VWA8: variants seen among roughly 807,000 people sequenced by gnomAD.
VWA8 encodes the protein von Willebrand factor A domain containing 8, also known as von Willebrand factor A domain-containing protein 8.
In VWA8, 221 loss-of-function variants were observed where a neutral mutation model predicts 241.5. The ratio of observed to expected loss-of-function variants is 0.91; its 90% confidence interval spans 0.82 to 1.02. The LOEUF is 1.02. VWA8 is among the 50% of genes least tolerant of loss of function. The probability of loss-of-function intolerance (pLI) is 0.00; values close to 1 mark genes in which losing one functional copy is unlikely to be tolerated. For missense variants in VWA8, 2,322 were observed against 2,328.7 expected (o/e 1.00, Z 0.06); for synonymous variants, 852 against 827.1 (o/e 1.03, Z -0.52).
At chr13:41,769,682 C>T (rs1200878070) in intron 20 of VWA8, among the ~76,000 whole-genome samples, 1 of 152,102 alleles carries the variant, frequency 6.6e-6, no homozygotes, top group Non-Finnish European at 1.5e-5. Context: ...AGATCTAATA[C>T]CTAACTCTGA....
intron 9 of VWA8, among the ~76,000 whole-genome samples, chr13:41,874,788 C>T (rs367679739): frequency 6.6e-5 from 10 of 152,032 alleles, no homozygotes; most frequent in South Asian, 4.1e-4. Flanking sequence ...TACCATGTTG[C>T]CTGAACAAAT....
chr13:41,648,194 T>C (rs1442085734), intron 37 of VWA8, among the ~76,000 whole-genome samples: 1 of 152,100 alleles, frequency 6.6e-6, no homozygotes, highest in African/African-American at 2.4e-5. Flanking sequence ...CTGAATCTGA[T>C]CACTGGTAAT....
intron 17 of VWA8, among the ~76,000 whole-genome samples, chr13:41,806,010 A>AAT (rs1437516248): frequency 2.0e-5 from 3 of 151,446 alleles, no homozygotes; most frequent in Non-Finnish European, 4.4e-5. Context: ...ATAAAAAAAA[A>AAT]AAAAAAAGAA....
At chr13:41,717,680 G>A (rs1185751918) in intron 26 of VWA8, among the ~76,000 whole-genome samples, 1 of 151,806 alleles carries the variant, frequency 6.6e-6, no homozygotes, top group Non-Finnish European at 1.5e-5. Context: ...TTTCAAGAAG[G>A]GCAATAAAAC....
intron 12 of VWA8, 82 bp from the exon 13 acceptor site, chr13:41,833,613 G>T: frequency 7.1e-7 from 1 of 1,404,436 alleles, no homozygotes; most frequent in Non-Finnish European, 9.4e-7. Context: ...TGGCTTTATA[G>T]AGTCACCTCC....
intron 12 of VWA8, among the ~76,000 whole-genome samples, chr13:41,846,589 G>A (rs950169117): frequency 6.6e-6 from 1 of 152,128 alleles, no homozygotes; most frequent in Non-Finnish European, 1.5e-5. Flanking sequence ...ATAAGTCTCA[G>A]TTCACAATTC....
At chr13:41,865,873 A>G in intron 11 of VWA8, 29 bp downstream of exon 11, 1 of 1,614,190 alleles carries the variant, frequency 6.2e-7, no homozygotes, top group East Asian at 2.2e-5. Context: ...CAGGAAACTA[A>G]AAGTCTGCAG....
intron 26 of VWA8, among the ~76,000 whole-genome samples, chr13:41,708,961 GTCT>G (rs1039109835): frequency 6.6e-6 from 1 of 152,140 alleles, no homozygotes; most frequent in Admixed American, 6.5e-5. Context: ...CTGAAAAAAA[GTCT>G]TCTCTCTTTC....
intron 25 of VWA8, among the ~76,000 whole-genome samples, chr13:41,720,068 C>A (rs898274448): frequency 6.6e-6 from 1 of 151,926 alleles, no homozygotes; most frequent in Non-Finnish European, 1.5e-5. Flanking sequence ...AGTACCAGAT[C>A]GAACAGTTTA....
intron 21 of VWA8, among the ~76,000 whole-genome samples, chr13:41,750,176 T>A (rs756865157): frequency 4.6e-5 from 7 of 152,086 alleles, no homozygotes; most frequent in South Asian, 2.1e-4. Flanking sequence ...GGCTCACACC[T>A]ATAATCCCAG....
In VWA8 at chr13:41,581,060, C is replaced by T. The variant is rs1436054403; in HGVS notation, c.5272-5222G>A. On this transcript the variant is annotated intron_variant, in intron 42 of 44. Transcript: ENST00000379310. ...TGTCGTCCAGGCTGGAGTGCAGTGG[C>T]GCAATCTCGGCTCACTGCAGGCTCC... Among the ~76,000 whole-genome samples the T allele has an allele frequency of 8.8e-5, 7 of 79,306 alleles. 2 individuals are homozygous for T. The highest frequency in any genetic ancestry group is 8.3e-4 in the African/African-American group (7 of 8,420). 52.0% of individuals were successfully genotyped at this position (79,306 alleles called of 152,430 possible).
At chr13:41,780,301 C>T (rs879626227) in intron 19 of VWA8, among the ~76,000 whole-genome samples, 9 of 152,320 alleles carry the variant, frequency 5.9e-5, no homozygotes, top group Admixed American at 3.9e-4. Flanking sequence ...AGCAAAACTC[C>T]TCCTCAACTA....
chr13:41,842,421 G>A (rs953703042), intron 12 of VWA8, among the ~76,000 whole-genome samples: 2 of 152,118 alleles, frequency 1.3e-5, no homozygotes, highest in Non-Finnish European at 2.9e-5. Flanking sequence ...TTATGTACAG[G>A]ATGCGATGTT....
chr13:41,909,979 C>T lies in VWA8; in HGVS notation c.372+2059G>A, dbSNP rs141226152. Among the ~76,000 whole-genome samples, 28 of 152,280 alleles carry T rather than the reference C, an allele frequency of 1.8e-4. No individual in the cohort carries two copies. The East Asian group carries it at 4.6e-3, about 25-fold the overall frequency. Reference sequence around the variant, plus strand: ...CACTCTGGCTATCACTATACATAGGCTGTTATTCTTAGGGGCAATAGTACT... The same window carrying T: ...CACTCTGGCTATCACTATACATAGGTTGTTATTCTTAGGGGCAATAGTACT... On this transcript the variant is annotated intron_variant, in intron 3 of 44. Transcript: ENST00000379310.
intron 37 of VWA8, among the ~76,000 whole-genome samples, chr13:41,639,592 TG>T (rs1198715492): frequency 6.6e-6 from 1 of 152,180 alleles, no homozygotes; most frequent in African/African-American, 2.4e-5. Flanking sequence ...ACCTTTGAAA[TG>T]GTTACATAAA....
At chr13:41,612,412 A>G (rs776729973) in intron 38 of VWA8, among the ~76,000 whole-genome samples, 6 of 152,370 alleles carry the variant, frequency 3.9e-5, no homozygotes, top group South Asian at 2.1e-4. Flanking sequence ...TCAAGTTTAC[A>G]TAATACATAT....
intron 41 of VWA8, among the ~76,000 whole-genome samples, chr13:41,589,326 A>T (rs1043888587): frequency 6.6e-6 from 1 of 152,124 alleles, no homozygotes; most frequent in African/African-American, 2.4e-5. Context: ...TTTCAGTTAT[A>T]TGATGGACAC....
chr13:41,659,365 C>A (rs1053485048), intron 37 of VWA8, among the ~76,000 whole-genome samples: 2 of 152,168 alleles, frequency 1.3e-5, no homozygotes, highest in African/African-American at 4.8e-5. Context: ...GCAGTAATAA[C>A]AGTACCTTTC....
At chr13:41,890,523 A>T (rs1256246144) in intron 5 of VWA8, among the ~76,000 whole-genome samples, 1 of 152,206 alleles carries the variant, frequency 6.6e-6, no homozygotes, top group Non-Finnish European at 1.5e-5. Context: ...AAGAGTCCCC[A>T]CATTCCCTAG....
Sources: allele counts gnomAD v4.1 joint callset (sites outside exome capture counted in the v4.1 genomes callset), GRCh38; gene constraint gnomAD v4.1.1; transcripts MANE v1.5; gene names NCBI Gene and HGNC (gene_info 2026-07-23, HGNC 2026-07-21).